The following PMS1 variants were observed in gnomAD, a reference collection of about 807,000 sequenced individuals.
The protein encoded by PMS1 is PMS1 homolog 1, mismatch repair system component.
In PMS1, 79 loss-of-function variants were observed where a neutral mutation model predicts 93.1. The ratio of observed to expected loss-of-function variants is 0.85; its 90% confidence interval spans 0.71 to 1.02. The LOEUF is 1.02. Ranked by LOEUF, PMS1 falls within the 50% of genes least tolerant of loss-of-function variation. The probability of loss-of-function intolerance (pLI) is 0.00; values close to 1 mark genes in which losing one functional copy is unlikely to be tolerated. For missense variants in PMS1, 1,064 were observed against 1,085.3 expected (o/e 0.98, Z 0.28); for synonymous variants, 335 against 363.4 (o/e 0.92, Z 0.89).
Position 189,854,074 on chromosome 2 carries a change from C to T in PMS1, c.958C>T (p.Gln320Ter), listed in dbSNP as rs773838917. 6.3e-7 allele frequency: 1 copy of T among 1,587,362 alleles called. No individual in the cohort carries two copies. The highest frequency in any genetic ancestry group is 2.3e-5 in the East Asian group (1 of 44,374). Reference sequence around the variant, plus strand: ...ACCAGATAAAAGCCAAGTATTATTACAAAATAAGGTAACTCTTTTCAGATA... The same window carrying T: ...ACCAGATAAAAGCCAAGTATTATTATAAAATAAGGTAACTCTTTTCAGATA... ...LTPDKSQVLL[Q>*]NKESVLIALE... The change falls in exon 8 of 13, where the codon CAA becomes TAA. Residue 320 changes from glutamine (Q) to a stop codon, truncating the protein, a stop_gained. Coordinates refer to ENST00000441310, the MANE Select transcript of PMS1 (RefSeq NM_000534.5). LOFTEE classifies it high-confidence loss of function.
At chr2:189,860,054 C>T (rs1005818812) in intron 9 of PMS1, among the ~76,000 whole-genome samples, 1 of 152,062 alleles carries the variant, frequency 6.6e-6, no homozygotes, top group African/African-American at 2.4e-5. Flanking sequence ...TTGTTTGTGG[C>T]CCCACACTTT....
chr2:189,837,607 G>A (rs1349553695), intron 5 of PMS1, among the ~76,000 whole-genome samples: 1 of 152,202 alleles, frequency 6.6e-6, no homozygotes, highest in African/African-American at 2.4e-5. Flanking sequence ...CAGAGTGCAT[G>A]TGCACGCAAA....
chr2:189,791,074 C>CTT (rs199955049), intron 1 of PMS1, among the ~76,000 whole-genome samples: 1 of 144,800 alleles, frequency 6.9e-6, no homozygotes, highest in Non-Finnish European at 1.5e-5. Context: ...TTATTGTGGA[C>CTT]TTTTTTTTTT....
At chr2:189,815,702 G>C (rs1000031957) in intron 4 of PMS1, among the ~76,000 whole-genome samples, 1 of 152,076 alleles carries the variant, frequency 6.6e-6, no homozygotes, top group Admixed American at 6.6e-5. Context: ...GAGAAGGAAC[G>C]GACTAATACA....
In PMS1 at chr2:189,855,044, T is replaced by C. The variant is rs749530914; in HGVS notation, c.1772T>C (p.Ile591Thr). The C allele has an allele frequency of 3.7e-6, 6 of 1,613,128 alleles. No individual in the cohort carries two copies. The South Asian group carries it at 4.4e-5, about 12-fold the overall frequency. Reference sequence around the variant, plus strand: ...CAAGATCATCGTCCTCAGTTTCTCATAGAAAATCCTAAGACTAGTTTAGAG... The same window carrying C: ...CAAGATCATCGTCCTCAGTTTCTCACAGAAAATCCTAAGACTAGTTTAGAG... ...FVQDHRPQFL[I>T]ENPKTSLEDA... Residue 591 changes from isoleucine (I) to threonine (T), a missense_variant, in exon 9 of 13, where the codon ATA (isoleucine) becomes ACA (threonine). Transcript: ENST00000441310.
chr2:189,863,564 G>T (rs1410499090), intron 9 of PMS1, among the ~76,000 whole-genome samples, 179 bp from the exon 10 acceptor site: 7 of 151,922 alleles, frequency 4.6e-5, no homozygotes, highest in Admixed American at 4.6e-4. Context: ...GCCAATAATT[G>T]ATTTTTATAT....
chr2:189,795,978 G>A, intron 3 of PMS1, 27 bp downstream of exon 3: 1 of 1,446,016 alleles, frequency 6.9e-7, no homozygotes. Flanking sequence ...GGTTATTTTA[G>A]TGATTTCATA....
chr2:189,816,729 G>A (rs1016651745), intron 4 of PMS1, among the ~76,000 whole-genome samples: 6 of 151,926 alleles, frequency 3.9e-5, no homozygotes, highest in African/African-American at 1.2e-4. Flanking sequence ...AGTCTTATAC[G>A]TTCCTTATGA....
At chr2:189,808,971 A>G (rs1282342943) in intron 4 of PMS1, among the ~76,000 whole-genome samples, 1 of 152,172 alleles carries the variant, frequency 6.6e-6, no homozygotes, top group Non-Finnish European at 1.5e-5. Flanking sequence ...TTACCCTCCT[A>G]GTCAGATTCT....
At chr2:189,851,018 T>G (rs944022776) in intron 6 of PMS1, among the ~76,000 whole-genome samples, 5 of 152,226 alleles carry the variant, frequency 3.3e-5, no homozygotes, top group African/African-American at 1.2e-4. Flanking sequence ...TACAGAATTT[T>G]GTAAAGTCTT....
intron 5 of PMS1, among the ~76,000 whole-genome samples, chr2:189,833,111 A>C (rs1369819110): frequency 6.6e-6 from 1 of 152,190 alleles, no homozygotes; most frequent in African/African-American, 2.4e-5. Context: ...ACACACATTA[A>C]CTTCTTTTTC....
rs181192439 is a variant in PMS1, at chr2:189,799,323, T to C, written c.315+3372T>C. On this transcript the variant is annotated intron_variant, in intron 3 of 12. Coordinates refer to ENST00000441310, the MANE Select transcript of PMS1 (RefSeq NM_000534.5). ...TCTTTGGGAAAACCACATATAGATG[T>C]GTGTGTGTATGCATGCACACACACA... Among the ~76,000 whole-genome samples, 97 of 152,230 alleles carry C rather than the reference T, an allele frequency of 6.4e-4. 1 individual carries two copies. The East Asian group carries it at 0.018, about 28-fold the overall frequency.
intron 4 of PMS1, among the ~76,000 whole-genome samples, chr2:189,815,645 T>A (rs1011164454): frequency 6.6e-6 from 1 of 152,182 alleles, no homozygotes; most frequent in Non-Finnish European, 1.5e-5. Flanking sequence ...TTAAACCTCC[T>A]TTGTTTACAG....
chr2:189,821,868 T>A (rs547841303), intron 5 of PMS1, among the ~76,000 whole-genome samples: 53 of 152,292 alleles, frequency 3.5e-4, no homozygotes, highest in African/African-American at 1.2e-3. Context: ...GTGATAAAAA[T>A]GAATATATTA....
chr2:189,846,556 G>A (rs1037420813), intron 6 of PMS1, among the ~76,000 whole-genome samples: 2 of 151,806 alleles, frequency 1.3e-5, no homozygotes, highest in African/African-American at 4.8e-5. Context: ...GTACGTGCCT[G>A]TAGTCCCAGC....
At chr2:189,808,318 C>T (rs953094880) in intron 4 of PMS1, among the ~76,000 whole-genome samples, 3 of 151,938 alleles carry the variant, frequency 2.0e-5, no homozygotes, top group African/African-American at 2.4e-5. Flanking sequence ...CTTTAAAAAA[C>T]GTAATTTATT....
intron 5 of PMS1, among the ~76,000 whole-genome samples, chr2:189,842,496 T>A (rs2053895139): frequency 6.6e-6 from 1 of 152,190 alleles, no homozygotes; most frequent in African/African-American, 2.4e-5. Context: ...TCAAATCTGA[T>A]TATGTACTTC....
chr2:189,794,022 C>T (rs891122638), intron 2 of PMS1, among the ~76,000 whole-genome samples: 3 of 152,108 alleles, frequency 2.0e-5, no homozygotes, highest in Non-Finnish European at 4.4e-5. Flanking sequence ...TCGTAAATTG[C>T]TGGGAGTACA....
intron 5 of PMS1, among the ~76,000 whole-genome samples, chr2:189,827,499 A>G (rs1420782313): frequency 1.3e-5 from 2 of 152,248 alleles, no homozygotes; most frequent in Non-Finnish European, 1.5e-5. Context: ...CTGAGTTCAT[A>G]TATGAAATCA....
Sources: allele counts gnomAD v4.1 joint callset (sites outside exome capture counted in the v4.1 genomes callset), GRCh38; gene constraint gnomAD v4.1.1; transcripts MANE v1.5; gene names NCBI Gene and HGNC (gene_info 2026-07-23, HGNC 2026-07-21).